Variants in TRPM6 observed in about 807,000 individuals in gnomAD.
TRPM6 encodes the protein channel kinase 2.
TRPM6 carries 111 observed loss-of-function variants against 247.6 expected under a neutral mutation model. That is an observed-to-expected ratio of 0.45 (90% CI 0.38 to 0.52). The LOEUF is 0.52. Among genes scored for constraint, TRPM6 ranks in the 20% least tolerant of loss-of-function variants. The probability of loss-of-function intolerance (pLI) is 0.00; values close to 1 mark genes in which losing one functional copy is unlikely to be tolerated. For missense variants in TRPM6, 2,126 were observed against 2,421.5 expected (o/e 0.88, Z 2.56); for synonymous variants, 892 against 853.8 (o/e 1.04, Z -0.78).
At chr9:74,852,915 C>CA (rs1830389044) in intron 3 of TRPM6, among the ~76,000 whole-genome samples, 2 of 152,166 alleles carry the variant, frequency 1.3e-5, no homozygotes, top group African/African-American at 4.8e-5. Flanking sequence ...GCAGCCACCC[C>CA]GTCTGGGAAG....
chr9:74,728,372 AG>A (rs770929119), intron 37 of TRPM6, 27 bp from the exon 38 acceptor site: 109 of 1,492,086 alleles, frequency 7.3e-5, no homozygotes, highest in Non-Finnish European at 1.0e-4. Context: ...AATATCAATT[AG>A]ATCACAGCTA....
chr9:74,886,864 A>C (rs1831547196), intron 1 of TRPM6, among the ~76,000 whole-genome samples: 1 of 152,242 alleles, frequency 6.6e-6, no homozygotes, highest in South Asian at 2.1e-4. Flanking sequence ...TGGGATGCTA[A>C]TTCAGGCTAC....
chr9:74,810,402 G>A (rs1053127279), intron 13 of TRPM6, among the ~76,000 whole-genome samples: 2 of 152,154 alleles, frequency 1.3e-5, no homozygotes, highest in Non-Finnish European at 2.9e-5. Flanking sequence ...GCAAGAGAGT[G>A]CCAGAACTAT....
chr9:74,798,747 A>T lies in TRPM6; in HGVS notation c.2238+1507T>A, dbSNP rs547103010. Reference sequence around the variant, plus strand: ...AGCACTGATAAAGTAGCATCTAAACACTGGAGAAGAATGTTTACTGCAGCT... The same window carrying T: ...AGCACTGATAAAGTAGCATCTAAACTCTGGAGAAGAATGTTTACTGCAGCT... On this transcript the variant is annotated intron_variant, in intron 17 of 38. Coordinates refer to ENST00000360774, the MANE Select transcript of TRPM6 (RefSeq NM_017662.5). Among the ~76,000 whole-genome samples, 105 of 152,308 alleles carry T rather than the reference A, an allele frequency of 6.9e-4. 1 individual carries two copies. The Middle Eastern group carries it at 0.01, about 15-fold the overall frequency.
intron 27 of TRPM6, among the ~76,000 whole-genome samples, chr9:74,756,681 C>CAAAAAAAAAAA (rs1217543421): frequency 3.9e-4 from 20 of 51,732 alleles, no homozygotes; most frequent in African/African-American, 9.7e-4. Context: ...CCCGTCTCTA[C>CAAAAAAAAAAA]AAAAAAAAAA....
At chr9:74,848,924 A>G (rs528424575) in intron 3 of TRPM6, among the ~76,000 whole-genome samples, 1 of 152,376 alleles carries the variant, frequency 6.6e-6, no homozygotes, top group African/African-American at 2.4e-5. Flanking sequence ...CAAAGAGACA[A>G]TAGAGACAAA....
At chr9:74,735,621 G>A (rs1324680668) in intron 36 of TRPM6, among the ~76,000 whole-genome samples, 1 of 152,022 alleles carries the variant, frequency 6.6e-6, no homozygotes, top group Non-Finnish European at 1.5e-5. Flanking sequence ...AATACAATGA[G>A]CTAAAAAAAT....
intron 5 of TRPM6, among the ~76,000 whole-genome samples, chr9:74,834,654 T>C (rs979565943): frequency 2.4e-4 from 24 of 99,292 alleles, no homozygotes; most frequent in Non-Finnish European, 4.1e-4. Flanking sequence ...TTCCCCACCC[T>C]ATGTCCAAGT....
In TRPM6 at chr9:74,762,764, T is replaced by A. The variant is rs746236238; in HGVS notation, c.3907A>T (p.Ile1303Phe). The change falls in exon 26 of 39, where the codon ATT (isoleucine) becomes TTT (phenylalanine). Residue 1303 changes from isoleucine (I) to phenylalanine (F), a missense_variant. This residue lies in a region of TRPM6 where 717 missense variants were observed against 715.9 expected (regional missense o/e 1.00). Coordinates refer to ENST00000360774, the MANE Select transcript of TRPM6 (RefSeq NM_017662.5). The stretch of plus-strand genomic sequence containing the variant: ...GTAGCCTCTCTTTTACTGTTTGTAA[T>A]CTCAAGAAGTGCCCCCCTCTGCACT... ...PRVQRGALLE[I>F]TNSKREATNV... 1.9e-6 allele frequency: 3 copies of A among 1,614,120 alleles called. No individual in the cohort carries two copies. In the Admixed American group the frequency reaches 5.0e-5, roughly 27 times the overall value.
intron 20 of TRPM6, among the ~76,000 whole-genome samples, chr9:74,786,827 A>C (rs1423746578): frequency 6.6e-6 from 1 of 152,228 alleles, no homozygotes; most frequent in East Asian, 1.9e-4. Context: ...CAGGGTGCAA[A>C]GAACACTGGA....
chr9:74,801,590 G>A (rs1230589760), intron 16 of TRPM6, among the ~76,000 whole-genome samples: 1 of 152,056 alleles, frequency 6.6e-6, no homozygotes, highest in East Asian at 1.9e-4. Flanking sequence ...GAGTTAGGGG[G>A]AGCTTTCAAA....
rs111856551 is a variant in TRPM6 at position 74,855,536 on chromosome 9, T to G, written c.143A>C (p.Asn48Thr). ...RCTPVCQVCQ[N>T]LIRCYCGRLI... ...CTTATCTAAGTCTTACCTGATTAAA[T>G]TCTGGCAGACTTGGCATACTGGAGT... is the stretch of plus-strand genomic sequence containing the variant. Residue 48 changes from asparagine to threonine, a missense_variant, in exon 3 of 39, where the codon AAT (asparagine) becomes ACT (threonine). Asn to Thr is a moderately conservative substitution (Grantham distance 65). This residue lies in a region of TRPM6 where 1,082 missense variants were observed against 1,307.9 expected (regional missense o/e 0.83). Transcript: ENST00000360774. The G allele has an allele frequency of 7.5e-6, 12 of 1,608,796 alleles. No homozygotes were observed. In the African/African-American group the frequency reaches 1.1e-4, roughly 14 times the overall value.
At chr9:74,732,199 A>G (rs758738760) in intron 37 of TRPM6, among the ~76,000 whole-genome samples, 1 of 152,218 alleles carries the variant, frequency 6.6e-6, no homozygotes, top group Non-Finnish European at 1.5e-5. Context: ...GATGCTTCAT[A>G]TTTAAGCTCC....
At chr9:74,855,099 C>T (rs757852052) in intron 3 of TRPM6, among the ~76,000 whole-genome samples, 6 of 152,118 alleles carry the variant, frequency 3.9e-5, no homozygotes, top group Non-Finnish European at 7.4e-5. Flanking sequence ...AAGGTAAAAA[C>T]GGTCACATAG....
At chr9:74,838,482 CA>C (rs1207928940) in intron 5 of TRPM6, among the ~76,000 whole-genome samples, 2 of 152,188 alleles carry the variant, frequency 1.3e-5, no homozygotes, top group Non-Finnish European at 2.9e-5. Flanking sequence ...CATTCCTTTT[CA>C]GTCAAAAGGA....
chr9:74,874,110 C>G (rs1015080024), intron 1 of TRPM6, among the ~76,000 whole-genome samples: 1 of 152,022 alleles, frequency 6.6e-6, no homozygotes, highest in Admixed American at 6.6e-5. Context: ...GTGGTACATG[C>G]CTGTAATTCC....
At chr9:74,887,516 C>T in intron 1 of TRPM6, 2 of 1,190,074 alleles carry the variant, frequency 1.7e-6, no homozygotes, top group East Asian at 2.6e-5. Context: ...CCCACCGCCC[C>T]GAGCTGAACC....
intron 25 of TRPM6, among the ~76,000 whole-genome samples, chr9:74,769,710 A>G (rs993822017): frequency 1.3e-5 from 2 of 149,020 alleles, no homozygotes; most frequent in Admixed American, 1.3e-4. Context: ...GTGAGCCAAG[A>G]TCACGCCGTG....
rs141754001 is a variant in TRPM6, at chr9:74,842,277, G to C, written c.219C>G (p.Ala73=). The change falls in exon 4 of 39, where the codon GCC becomes GCG. Residue 73 remains alanine, a synonymous_variant. Transcript: ENST00000360774. ...ACCATTGTTCACTTTCTTTACCCTTGGCAGCTGAGATGGTCCAGGAATAAT... is the reference window on the plus strand; with the variant it reads ...ACCATTGTTCACTTTCTTTACCCTTCGCAGCTGAGATGGTCCAGGAATAAT... The part of the protein sequence containing the change: ...GIDYSWTISA[A]KGKESEQWSV... 12 of 1,613,916 alleles carry C rather than the reference G, an allele frequency of 7.4e-6. No homozygotes were observed. The African/African-American group carries it at 8.0e-5, about 11-fold the overall frequency.
Sources: gnomAD v4.1 joint callset for allele counts (sites outside exome capture counted in the v4.1 genomes callset) on GRCh38, gnomAD v4.1.1 for gene constraint, gnomAD v4.1.1 regional missense constraint, MANE v1.5 for transcripts, NCBI Gene and HGNC (gene_info 2026-07-23, HGNC 2026-07-21) for gene names.